Variants in RNF216 observed in about 807,000 individuals in gnomAD.
RNF216 encodes the protein ring finger protein 216.
In RNF216, 72 loss-of-function variants were observed where a neutral mutation model predicts 110.8. That is an observed-to-expected ratio of 0.65 (90% CI 0.54 to 0.79). The LOEUF (loss-of-function observed/expected upper bound fraction) is 0.79, where lower values mean the gene tolerates loss of function less well. RNF216 is among the 30% of genes least tolerant of loss of function. The probability of loss-of-function intolerance (pLI) is 0.00; values close to 1 mark genes in which losing one functional copy is unlikely to be tolerated. For synonymous variants in RNF216, 495 were observed against 407.5 expected, an observed-to-expected ratio of 1.21 and a Z score of -2.59; for missense variants, 1,342 against 1,141.2, an observed-to-expected ratio of 1.18 and a Z score of -2.54.
chr7:5,679,826 G>A (rs1702531810), intron 13 of RNF216, among the ~76,000 whole-genome samples: 1 of 151,166 alleles, frequency 6.6e-6, no homozygotes, highest in African/African-American at 2.4e-5. Context: ...CTCAGCAGGA[G>A]AGACTATCAT....
chr7:5,767,683 C>A (rs1796276813), intron 1 of RNF216, among the ~76,000 whole-genome samples: 1 of 151,574 alleles, frequency 6.6e-6, no homozygotes, highest in Non-Finnish European at 1.5e-5. Flanking sequence ...ACTGCAACCT[C>A]TGCCTCCTGG....
chr7:5,743,992 T>C (rs1794905222), intron 3 of RNF216, among the ~76,000 whole-genome samples: 1 of 152,036 alleles, frequency 6.6e-6, no homozygotes, highest in Admixed American at 6.6e-5. Context: ...TTACACTCAA[T>C]CAAAAATAAC....
intron 13 of RNF216, among the ~76,000 whole-genome samples, chr7:5,690,292 A>ACT (rs1791254107): frequency 6.7e-6 from 1 of 149,474 alleles, no homozygotes; most frequent in Non-Finnish European, 1.5e-5. Flanking sequence ...GCGCCATTGC[A>ACT]CTCTAGCCTG....
intron 13 of RNF216, among the ~76,000 whole-genome samples, chr7:5,700,583 C>A (rs1382414722): frequency 6.6e-6 from 1 of 152,088 alleles, no homozygotes; most frequent in Non-Finnish European, 1.5e-5. Context: ...CTGTGACAAG[C>A]CTGAGAAGCA....
chr7:5,632,741 C>T (rs1388502950), intron 15 of RNF216, among the ~76,000 whole-genome samples: 1 of 152,088 alleles, frequency 6.6e-6, no homozygotes. Context: ...CACGCGACTG[C>T]ATTCCAGCCT....
intron 1 of RNF216, among the ~76,000 whole-genome samples, chr7:5,774,239 C>A (rs889386960): frequency 6.6e-6 from 1 of 152,152 alleles, no homozygotes; most frequent in Admixed American, 6.5e-5. Context: ...ATCTCCTAGG[C>A]CAATTTCCTC....
intron 13 of RNF216, among the ~76,000 whole-genome samples, chr7:5,653,624 A>AAC (rs398003514): frequency 6.8e-6 from 1 of 146,544 alleles, no homozygotes; most frequent in African/African-American, 2.5e-5. Flanking sequence ...AAAAAAAAAA[A>AAC]GAATTAAAAA....
intron 1 of RNF216, among the ~76,000 whole-genome samples, chr7:5,769,582 G>T (rs1796387663): frequency 6.6e-6 from 1 of 151,754 alleles, no homozygotes; most frequent in South Asian, 2.1e-4. Flanking sequence ...AAATTAGATG[G>T]GCATGGTGGC....
chr7:5,686,224 TAAAAA>T (rs71971690), intron 13 of RNF216, among the ~76,000 whole-genome samples: 4 of 111,632 alleles, frequency 3.6e-5, no homozygotes, highest in African/African-American at 1.4e-4. Flanking sequence ...ACTCTGTTAT[TAAAAA>T]AAAAAAAAAA....
At position 5,652,410 on chromosome 7, in the gene RNF216, C is replaced by T. The variant is rs1257634252; in HGVS notation, c.2159+3G>A. 6.2e-7 allele frequency: 1 copy of T among 1,600,700 alleles called. No individual in the cohort carries two copies. Among genetic ancestry groups the T allele is most frequent in the Non-Finnish European group, 8.6e-7 (1 of 1,168,044 alleles). On this transcript the variant is annotated splice_donor_region_variant and intron_variant, in intron 14 of 16. Transcript: ENST00000389902. ...CATAGCCCCTCTGAATTCTGTTACT[C>T]ACATAGAGGTACGGTACTTGATGTC...
intron 13 of RNF216, among the ~76,000 whole-genome samples, chr7:5,679,274 C>T (rs971664149): frequency 1.3e-5 from 2 of 152,192 alleles, no homozygotes; most frequent in Middle Eastern, 3.2e-3. Flanking sequence ...CCATGCTGCT[C>T]CAGCCAGCCC....
chr7:5,675,640 A>G, intron 13 of RNF216, among the ~76,000 whole-genome samples: 1 of 136,890 alleles, frequency 7.3e-6, no homozygotes, highest in Non-Finnish European at 1.6e-5. Flanking sequence ...GACCCTCTCA[A>G]AACAAACAAA....
intron 13 of RNF216, among the ~76,000 whole-genome samples, chr7:5,676,296 G>A (rs1218858347): frequency 6.6e-6 from 1 of 152,084 alleles, no homozygotes; most frequent in Non-Finnish European, 1.5e-5. Context: ...TGACCACCGC[G>A]GCCAGCCTCA....
At chr7:5,711,436 G>A (rs929138886) in intron 13 of RNF216, among the ~76,000 whole-genome samples, 1 of 152,220 alleles carries the variant, frequency 6.6e-6, no homozygotes, top group African/African-American at 2.4e-5. Context: ...AGCACAGGTG[G>A]TGAAGAGAGC....
intron 1 of RNF216, among the ~76,000 whole-genome samples, chr7:5,764,719 A>G (rs879865516): frequency 5.9e-5 from 9 of 152,118 alleles, no homozygotes; most frequent in Non-Finnish European, 1.2e-4. Context: ...TAGGTAGTAG[A>G]GAAAAAATAA....
chr7:5,729,570 A>G lies in RNF216; in HGVS notation c.1251T>C (p.Tyr417=). 6.2e-7 allele frequency: 1 copy of G among 1,614,218 alleles called. No homozygotes were observed. Among genetic ancestry groups the G allele is most frequent in the South Asian group, 1.1e-5 (1 of 91,082 alleles). ...TKLPKIDFFD[Y]SKLTPLDQRC... The stretch of plus-strand genomic sequence containing the variant: ...GCTGGTCAAGAGGGGTCAATTTAGA[A>G]TAGTCAAAAAAGTCTATTTTAGGCA... Residue 417 remains tyrosine, a synonymous_variant, in exon 7 of 17, where the codon TAT becomes TAC. Coordinates refer to ENST00000389902, the MANE Select transcript of RNF216 (RefSeq NM_207111.4).
intron 13 of RNF216, among the ~76,000 whole-genome samples, chr7:5,689,503 AAAAAAAC>A (rs1018586215): frequency 6.6e-6 from 1 of 152,150 alleles, no homozygotes; most frequent in Non-Finnish European, 1.5e-5. Context: ...CATTTTCTAA[AAAAAAAC>A]AAAAAACAAA....
Position 5,623,239 on chromosome 7 carries a change from C to T in RNF216, c.2453-60G>A, listed in dbSNP as rs964081605. On this transcript the variant is annotated intron_variant, in intron 16 of 16. Transcript: ENST00000389902. ...TTAAACCAACCTCAATGGAATCTAGCCTGGGACCAGGGCAGCGACCTCTGG... is the reference window on the plus strand; with the variant it reads ...TTAAACCAACCTCAATGGAATCTAGTCTGGGACCAGGGCAGCGACCTCTGG... The T allele has an allele frequency of 1.0e-5, 15 of 1,485,824 alleles. No individual in the cohort carries two copies. The African/African-American group carries it at 2.1e-4, about 21-fold the overall frequency. 92.0% of individuals were successfully genotyped at this position (1,485,824 alleles called of 1,614,324 possible). A position where few individuals can be genotyped will look rare whatever the true frequency, so the allele number is the denominator to read the frequency against.
intron 2 of RNF216, among the ~76,000 whole-genome samples, chr7:5,755,369 T>C (rs11977543): frequency 0.076 from 11,549 of 151,984 alleles, 1,448 homozygotes; most frequent in African/African-American, 0.26. Flanking sequence ...TAAAAAAAAA[T>C]TGAAAGAATA....
Sources: gnomAD v4.1 joint callset for allele counts (sites outside exome capture counted in the v4.1 genomes callset) on GRCh38, gnomAD v4.1.1 for gene constraint, MANE v1.5 for transcripts, NCBI Gene and HGNC (gene_info 2026-07-23, HGNC 2026-07-21) for gene names.